The following CNGA3 variants were observed in gnomAD, a reference collection of about 807,000 sequenced individuals.
CNGA3 encodes the protein cyclic nucleotide gated channel subunit alpha 3.
In CNGA3, 42 loss-of-function variants were observed where a neutral mutation model predicts 46.6. The ratio of observed to expected loss-of-function variants is 0.90; its 90% CI spans 0.70 to 1.17. CNGA3 has a LOEUF of 1.17. CNGA3 is among the 50% of genes most tolerant of loss of function. CNGA3 has a pLI of 0.00. For synonymous variants in CNGA3, 394 were observed against 369.4 expected, an observed-to-expected ratio of 1.07 and a Z score of -0.76; for missense variants, 893 against 890.7, an observed-to-expected ratio of 1.00 and a Z score of -0.03.
At position 98,396,685 on chromosome 2, in the gene CNGA3, T is replaced by G. The variant is rs1292834315; in HGVS notation, c.1515T>G (p.Pro505=). The G allele has an allele frequency of 5.0e-6, 8 of 1,613,944 alleles. No individual in the cohort carries two copies. ...AGCTGCGACCCACTGTGTTCAGCCC[T>G]GGGGATTATATCTGCAAGAAGGGAG... is the stretch of plus-strand genomic sequence containing the variant. ...VLKLRPTVFS[P]GDYICKKGDI... is the part of the protein sequence containing the mutation. Residue 505 remains proline, a synonymous_variant, in exon 8 of 8, where the codon CCT becomes CCG. Transcript: ENST00000272602.
intron 3 of CNGA3, among the ~76,000 whole-genome samples, chr2:98,379,116 T>C (rs1411440131): frequency 6.6e-6 from 1 of 152,142 alleles, no homozygotes; most frequent in Non-Finnish European, 1.5e-5. Context: ...AGGAAGTGTG[T>C]GGTTACAGGA....
At chr2:98,377,500 C>T (rs1692432341) in intron 2 of CNGA3, 187 bp from the exon 3 acceptor site, 2 of 621,592 alleles carry the variant, frequency 3.2e-6, no homozygotes. Context: ...AAAGGAAAGG[C>T]CACGTTTATA....
chr2:98,380,380 C>A (rs780051678), intron 4 of CNGA3, 26 bp downstream of exon 4: 3 of 1,605,226 alleles, frequency 1.9e-6, no homozygotes, highest in African/African-American at 1.3e-5. Context: ...GAAGAAGGGG[C>A]CTCTGGTGCC....
chr2:98,396,382 G>A lies in CNGA3; in HGVS notation c.1212G>A (p.Ser404=), dbSNP rs372365042. The A allele has an allele frequency of 3.8e-5, 61 of 1,613,718 alleles. No individual in the cohort carries two copies. The highest frequency in any genetic ancestry group is 1.5e-4 in the South Asian group (14 of 91,068). The change falls in exon 8 of 8, where the codon TCG becomes TCA. Residue 404 remains serine (S), a synonymous_variant. Coordinates refer to ENST00000272602, the MANE Select transcript of CNGA3 (RefSeq NM_001298.3). ...TIVGNVGSMI[S]NMNASRAEFQ... ...TGGGCAATGTGGGCTCCATGATCTCGAATATGAATGCCTCACGGGCAGAGT... is the reference window on the plus strand; with the variant it reads ...TGGGCAATGTGGGCTCCATGATCTCAAATATGAATGCCTCACGGGCAGAGT...
chr2:98,348,930 G>C (rs1436821763), intron 1 of CNGA3, among the ~76,000 whole-genome samples: 1 of 152,098 alleles, frequency 6.6e-6, no homozygotes, highest in African/African-American at 2.4e-5. Flanking sequence ...CTGACTCCTG[G>C]TCAGGGTAGG....
At chr2:98,381,342 G>A (rs1692533453) in intron 4 of CNGA3, among the ~76,000 whole-genome samples, 1 of 152,170 alleles carries the variant, frequency 6.6e-6, no homozygotes, top group African/African-American at 2.4e-5. Flanking sequence ...AGAACAGACA[G>A]TCCCTATATA....
rs1553450734 is a variant in CNGA3, at chr2:98,396,387, T to C, written c.1217T>C (p.Met406Thr). 2 of 1,613,968 alleles carry C rather than the reference T, an allele frequency of 1.2e-6. No homozygotes were observed. The highest frequency in any genetic ancestry group is 1.7e-6 in the Non-Finnish European group (2 of 1,179,992). Residue 406 changes from methionine to threonine, a missense_variant, in exon 8 of 8, where the codon ATG (methionine) becomes ACG (threonine). Physicochemically the swap from Met to Thr is moderately conservative, Grantham distance 81. This residue lies in a region of CNGA3 where 548 missense variants were observed against 570.8 expected (regional missense o/e 0.96). Coordinates refer to ENST00000272602, the MANE Select transcript of CNGA3 (RefSeq NM_001298.3). ...AATGTGGGCTCCATGATCTCGAATATGAATGCCTCACGGGCAGAGTTCCAG... is the reference window on the plus strand; with the variant it reads ...AATGTGGGCTCCATGATCTCGAATACGAATGCCTCACGGGCAGAGTTCCAG... Reference protein sequence around the residue: ...VGNVGSMISNMNASRAEFQAK... With the variant: ...VGNVGSMISNTNASRAEFQAK...
Position 98,397,439 on chromosome 2 carries a change from C to T in CNGA3, c.*184C>T. On this transcript the variant is annotated 3_prime_UTR_variant, in exon 8 of 8. Transcript: ENST00000272602. ...AAAATGGGACTTTTTGTCTCAGTCC[C>T]AGTGAAGTGCCAGGTTTGATTGTGA... 1 of 661,058 alleles carries T rather than the reference C, an allele frequency of 1.5e-6. No homozygotes were observed. 40.9% of individuals were successfully genotyped at this position (661,058 alleles called of 1,614,324 possible).
chr2:98,382,753 C>T (rs1228719597), intron 4 of CNGA3, among the ~76,000 whole-genome samples: 1 of 152,208 alleles, frequency 6.6e-6, no homozygotes, highest in East Asian at 1.9e-4. Context: ...GCAAAACCAG[C>T]CCCTACCTTC....
In CNGA3 at chr2:98,357,270, C is replaced by A. The variant is rs746201334; in HGVS notation, c.-38+10736C>A. 2.0e-5 allele frequency among the ~76,000 whole-genome samples: 3 copies of A among 152,122 alleles called. No individual in the cohort carries two copies. The South Asian group carries it at 6.2e-4, about 32-fold the overall frequency. On this transcript the variant is annotated intron_variant, in intron 1 of 7. Coordinates refer to ENST00000272602, the MANE Select transcript of CNGA3 (RefSeq NM_001298.3). ...CCGGGCCAATGACAGTGGAGAGAGC[C>A]CAGGATGAGCACTGGAGTGCAAAAG...
intron 5 of CNGA3, 67 bp downstream of exon 5, chr2:98,383,508 G>A: frequency 6.6e-7 from 1 of 1,515,862 alleles, no homozygotes; most frequent in Non-Finnish European, 9.2e-7. Context: ...AGAAGCCCCA[G>A]CTTGGCCTCT....
intron 2 of CNGA3, among the ~76,000 whole-genome samples, chr2:98,374,898 C>A (rs966848884): frequency 6.6e-6 from 1 of 152,226 alleles, no homozygotes; most frequent in African/African-American, 2.4e-5. Flanking sequence ...GCCAGTTGTG[C>A]CTTTCTGGTA....
chr2:98,381,953 G>C (rs543919137), intron 4 of CNGA3, among the ~76,000 whole-genome samples: 1 of 152,268 alleles, frequency 6.6e-6, no homozygotes, highest in African/African-American at 2.4e-5. Flanking sequence ...TTCCTTTTGG[G>C]CAAGCAAAGA....
intron 1 of CNGA3, 99 bp from the exon 2 acceptor site, chr2:98,369,840 T>C: frequency 1.4e-6 from 1 of 731,916 alleles, no homozygotes; most frequent in Admixed American, 2.0e-5. Flanking sequence ...TGCCAGGGCT[T>C]GCAGGGGGGC....
intron 1 of CNGA3, among the ~76,000 whole-genome samples, chr2:98,366,873 C>T (rs757821954): frequency 1.1e-4 from 17 of 152,224 alleles, no homozygotes; most frequent in Non-Finnish European, 1.8e-4. Context: ...ACCCAAGGCC[C>T]TGGTGGTGTG....
intron 3 of CNGA3, chr2:98,378,318 C>G (rs774017925): frequency 1.3e-5 from 16 of 1,208,778 alleles, no homozygotes; most frequent in Non-Finnish European, 1.7e-5. Context: ...TCAACAGCTG[C>G]TCCATCCTGA....
In CNGA3 at chr2:98,380,313, G is replaced by A. The variant is rs771785153; in HGVS notation, c.354G>A (p.Gln118=). 7 of 1,614,190 alleles carry A rather than the reference G, an allele frequency of 4.3e-6. No individual in the cohort carries two copies. The highest frequency in any genetic ancestry group is 5.9e-6 in the Non-Finnish European group (7 of 1,180,032). The change falls in exon 4 of 8, where the codon CAG becomes CAA. Residue 118 remains glutamine (Q), a synonymous_variant. Transcript: ENST00000272602. ...KEVSSQESNA[Q]ANVGSQEPAD... is the part of the protein sequence containing the mutation. ...TGTCCAGCCAAGAAAGCAATGCCCA[G>A]GCAAATGTGGGCAGCCAGGAGCCAG... is the stretch of plus-strand genomic sequence containing the variant.
chr2:98,387,369 C>G (rs1385535323), intron 5 of CNGA3, among the ~76,000 whole-genome samples: 2 of 152,206 alleles, frequency 1.3e-5, no homozygotes, highest in Non-Finnish European at 2.9e-5. Context: ...GAATTTATCT[C>G]TCAACCATGC....
chr2:98,361,704 CTTT>C (rs1230449113), intron 1 of CNGA3, among the ~76,000 whole-genome samples: 49 of 108,910 alleles, frequency 4.5e-4, no homozygotes, highest in Non-Finnish European at 6.0e-4. Context: ...CTTTTCTTGA[CTTT>C]TTTTTTTTTT....
Sources: gnomAD v4.1 joint callset for allele counts (sites outside exome capture counted in the v4.1 genomes callset) on GRCh38, gnomAD v4.1.1 for gene constraint, gnomAD v4.1.1 regional missense constraint, MANE v1.5 for transcripts, NCBI Gene and HGNC (gene_info 2026-07-23, HGNC 2026-07-21) for gene names.